Variants in PICALM observed in about 807,000 individuals in gnomAD.
PICALM encodes phosphatidylinositol-binding clathrin assembly protein.
PICALM carries 40 observed loss-of-function variants against 80.5 expected under a neutral mutation model. That is an observed-to-expected ratio of 0.50 (90% CI 0.39 to 0.65). PICALM has a LOEUF of 0.65. Ranked by LOEUF, PICALM falls within the 30% of genes least tolerant of loss-of-function variation. PICALM has a pLI of 0.00. For synonymous variants in PICALM, 288 were observed against 260.3 expected (o/e 1.11, Z -1.02); for missense variants, 676 against 778.9 (o/e 0.87, Z 1.57).
intron 8 of PICALM, among the ~76,000 whole-genome samples, chr11:86,007,209 T>C (rs554285605): frequency 7.8e-4 from 119 of 152,354 alleles, no homozygotes; most frequent in South Asian, 1.9e-3. Flanking sequence ...ACCAGCATTA[T>C]AGTGAAAATT....
At chr11:86,044,173 G>T (rs1469428508) in intron 1 of PICALM, among the ~76,000 whole-genome samples, 1 of 152,174 alleles carries the variant, frequency 6.6e-6, no homozygotes, top group Non-Finnish European at 1.5e-5. Context: ...ATAGATGGTG[G>T]CAAGTGCTAA....
chr11:86,053,187 A>C (rs2137406591), intron 1 of PICALM, among the ~76,000 whole-genome samples: 1 of 152,352 alleles, frequency 6.6e-6, no homozygotes, highest in African/African-American at 2.4e-5. Flanking sequence ...AATTTGGCCT[A>C]AAGCTGCTTC....
intron 1 of PICALM, among the ~76,000 whole-genome samples, chr11:86,066,282 A>G (rs2096446891): frequency 6.6e-6 from 1 of 152,228 alleles, no homozygotes; most frequent in Non-Finnish European, 1.5e-5. Flanking sequence ...ATTACAGGAC[A>G]TTTTAATCAA....
chr11:86,001,114 C>A lies in PICALM; in HGVS notation c.938G>T (p.Gly313Val). Residue 313 changes from glycine (G) to valine (V), a missense_variant, in exon 10 of 20, where the codon GGT (glycine) becomes GTT (valine). This residue lies in a region of PICALM where 285 missense variants were observed against 395.4 expected (regional missense o/e 0.72). Coordinates refer to ENST00000393346, the MANE Select transcript of PICALM (RefSeq NM_007166.4). ...SNAVSSLAST[G>V]LSLTKVDERE... ...TTCATCCACTTTGGTCAGAGATAGA[C>A]CAGTGCTTGCCAGGGAAGACACTGC... 6.2e-7 allele frequency: 1 copy of A among 1,613,916 alleles called. No homozygotes were observed. Among genetic ancestry groups the A allele is most frequent in the Non-Finnish European group, 8.5e-7 (1 of 1,179,780 alleles).
rs549886702 is a variant in PICALM at position 86,046,829 on chromosome 11, G to C, written c.131-15218C>G. On this transcript the variant is annotated intron_variant, in intron 1 of 19. Coordinates refer to ENST00000393346, the MANE Select transcript of PICALM (RefSeq NM_007166.4). ...ATTTTTAAATTTTCTGTAGATACAA[G>C]GTCTCACTATGTTGCCCAGGCTGGT... Among the ~76,000 whole-genome samples, 40 of 152,286 alleles carry C rather than the reference G, an allele frequency of 2.6e-4. 1 individual carries two copies. The highest frequency in any genetic ancestry group is 8.3e-4 in the South Asian group (4 of 4,822).
chr11:85,981,899 C>A lies in PICALM; in HGVS notation c.1621G>T (p.Asp541Tyr). 6.2e-7 allele frequency: 1 copy of A among 1,613,610 alleles called. No homozygotes were observed. The highest frequency in any genetic ancestry group is 1.7e-5 in the Admixed American group (1 of 60,020). Residue 541 changes from aspartate (D) to tyrosine (Y), a missense_variant, in exon 15 of 20, where the codon GAT becomes TAT. Coordinates refer to ENST00000393346, the MANE Select transcript of PICALM (RefSeq NM_007166.4). ...PPSKLVSDDLDSSLANLVGNL... is the reference protein window; with the variant it reads ...PPSKLVSDDLYSSLANLVGNL... ...CCCACAAGGTTGGCTAAAGATGAAT[C>A]CAAGTCATCAGATACTAACTTGCTA...
intron 19 of PICALM, among the ~76,000 whole-genome samples, chr11:85,971,875 C>T (rs12800018): frequency 6.6e-6 from 1 of 152,086 alleles, no homozygotes. Flanking sequence ...CTCTGCCTCC[C>T]TGGTTCAAGC....
At chr11:86,043,768 T>A (rs2137115069) in intron 1 of PICALM, among the ~76,000 whole-genome samples, 1 of 152,236 alleles carries the variant, frequency 6.6e-6, no homozygotes, top group East Asian at 1.9e-4. Flanking sequence ...TAGGTTAAAG[T>A]TTTTCGTTAA....
At chr11:86,009,475 T>G (rs1344435616) in intron 7 of PICALM, among the ~76,000 whole-genome samples, 1 of 151,982 alleles carries the variant, frequency 6.6e-6, no homozygotes, top group Non-Finnish European at 1.5e-5. Flanking sequence ...GCAGATCACC[T>G]GAGGTCAGGA....
chr11:85,986,444 G>A (rs1245925932), intron 13 of PICALM, among the ~76,000 whole-genome samples: 2 of 127,796 alleles, frequency 1.6e-5, no homozygotes, highest in Non-Finnish European at 3.1e-5. Flanking sequence ...ACTGCGGACT[G>A]CAGTGGCGCA....
chr11:85,994,349 G>A (rs1249678085), intron 12 of PICALM, among the ~76,000 whole-genome samples: 1 of 152,100 alleles, frequency 6.6e-6, no homozygotes, highest in African/African-American at 2.4e-5. Flanking sequence ...GAGAGCTTGT[G>A]TTCTCCCATT....
At chr11:86,051,637 C>T (rs535432880) in intron 1 of PICALM, among the ~76,000 whole-genome samples, 3 of 151,926 alleles carry the variant, frequency 2.0e-5, no homozygotes, top group Admixed American at 6.6e-5. Context: ...CTCCAGCCTG[C>T]GTAACAGAGT....
chr11:86,040,695 T>C (rs1387593178), intron 1 of PICALM, among the ~76,000 whole-genome samples: 7 of 152,174 alleles, frequency 4.6e-5, no homozygotes, highest in African/African-American at 1.7e-4. Context: ...TACATTCAGG[T>C]ACAAACAGTA....
intron 1 of PICALM, among the ~76,000 whole-genome samples, chr11:86,039,643 A>G (rs1427076933): frequency 1.3e-5 from 2 of 152,168 alleles, no homozygotes; most frequent in Non-Finnish European, 2.9e-5. Flanking sequence ...TGCTAGTTTC[A>G]GGTGCTTATG....
At chr11:85,964,839 T>G (rs1032242642) in intron 19 of PICALM, among the ~76,000 whole-genome samples, 2 of 152,200 alleles carry the variant, frequency 1.3e-5, no homozygotes, top group African/African-American at 4.8e-5. Context: ...AATTCTAAAG[T>G]GTGCAAAATT....
chr11:86,056,135 T>TAAAAAAAAA (rs763444775), intron 1 of PICALM, among the ~76,000 whole-genome samples: 7 of 117,344 alleles, frequency 6.0e-5, no homozygotes, highest in East Asian at 2.2e-4. Context: ...ACTCTGTCTT[T>TAAAAAAAAA]AAAAAAAAAA....
intron 1 of PICALM, among the ~76,000 whole-genome samples, chr11:86,037,064 G>C (rs1374776511): frequency 6.6e-6 from 1 of 151,420 alleles, no homozygotes; most frequent in Non-Finnish European, 1.5e-5. Context: ...TCCTGCCTCA[G>C]CCTGCCAAGC....
intron 1 of PICALM, among the ~76,000 whole-genome samples, chr11:86,048,669 T>C (rs1292742110): frequency 2.0e-5 from 3 of 151,472 alleles, no homozygotes; most frequent in African/African-American, 7.3e-5. Flanking sequence ...CCAGCTCTAC[T>C]AAAAATACAA....
intron 13 of PICALM, among the ~76,000 whole-genome samples, chr11:85,985,738 C>T (rs532234604): frequency 1.3e-5 from 2 of 152,314 alleles, no homozygotes; most frequent in East Asian, 1.9e-4. Context: ...TGTGTCCATG[C>T]TATCATCAGA....
Sources: gnomAD v4.1 joint callset for allele counts (sites outside exome capture counted in the v4.1 genomes callset) on GRCh38, gnomAD v4.1.1 for gene constraint, gnomAD v4.1.1 regional missense constraint, MANE v1.5 for transcripts, NCBI Gene and HGNC (gene_info 2026-07-23, HGNC 2026-07-21) for gene names.